PTPRG: variants seen among roughly 807,000 people sequenced by gnomAD.
PTPRG encodes protein tyrosine phosphatase receptor type G.
Under a neutral mutation model 165.3 loss-of-function variants are expected in PTPRG, and 102 were observed. The observed-to-expected ratio is 0.62, with a 90% CI of 0.53 to 0.73. PTPRG has a LOEUF of 0.73. PTPRG is among the 30% of genes least tolerant of loss of function. PTPRG has a pLI of 0.00. For synonymous variants in PTPRG, 675 were observed against 669.5 expected, an observed-to-expected ratio of 1.01 and a Z score of -0.13; for missense variants, 1,866 against 1,861.4, an observed-to-expected ratio of 1.00 and a Z score of -0.05.
At chr3:61,892,516 A>T (rs138382867) in intron 2 of PTPRG, among the ~76,000 whole-genome samples, 2 of 152,148 alleles carry the variant, frequency 1.3e-5, no homozygotes, top group African/African-American at 4.8e-5. Flanking sequence ...TGTGATTTCA[A>T]TGCTGAAATA....
intron 4 of PTPRG, among the ~76,000 whole-genome samples, chr3:62,030,808 C>CA (rs1197269403): frequency 6.6e-6 from 1 of 152,156 alleles, no homozygotes; most frequent in Non-Finnish European, 1.5e-5. Flanking sequence ...AAGGAATTGT[C>CA]ATTGAATTCA....
At chr3:61,596,301 C>T (rs1700696928) in intron 1 of PTPRG, among the ~76,000 whole-genome samples, 1 of 152,120 alleles carries the variant, frequency 6.6e-6, no homozygotes, top group Non-Finnish European at 1.5e-5. Context: ...TGGAATTGTA[C>T]CATAGTTTCA....
At chr3:61,958,570 G>GC (rs2040084289) in intron 2 of PTPRG, among the ~76,000 whole-genome samples, 2 of 152,060 alleles carry the variant, frequency 1.3e-5, no homozygotes, top group Non-Finnish European at 2.9e-5. Flanking sequence ...TAAATTAATT[G>GC]CCCTCTTTTA....
At chr3:61,704,825 A>G (rs1258467149) in intron 1 of PTPRG, among the ~76,000 whole-genome samples, 1 of 152,116 alleles carries the variant, frequency 6.6e-6, no homozygotes, top group East Asian at 1.9e-4. Context: ...GATGAACTGC[A>G]TTTGTTCAGA....
chr3:61,956,285 C>G lies in PTPRG; in HGVS notation c.191-33340C>G, dbSNP rs1385209890. Among the ~76,000 whole-genome samples, 4 of 105,366 alleles carry G rather than the reference C, an allele frequency of 3.8e-5. No homozygotes were observed. In the East Asian group the frequency reaches 1.2e-3, roughly 31 times the overall value. The allele number at this position is 105,366 out of a possible 152,430, so 69.1% of individuals were successfully genotyped here. On this transcript the variant is annotated intron_variant, in intron 2 of 29. Transcript: ENST00000474889. Reference sequence around the variant, plus strand: ...ACTCGCGTGCACGCTGTCTCTCTCTCTCTCTCTCTCACACACACACACACG... The same window carrying G: ...ACTCGCGTGCACGCTGTCTCTCTCTGTCTCTCTCTCACACACACACACACG...
chr3:61,763,897 T>C (rs1412566975), intron 2 of PTPRG, among the ~76,000 whole-genome samples: 4 of 152,166 alleles, frequency 2.6e-5, no homozygotes, highest in Non-Finnish European at 5.9e-5. Context: ...TTTAAATTAA[T>C]TAAAATGAAA....
intron 2 of PTPRG, among the ~76,000 whole-genome samples, chr3:61,972,373 T>C (rs1306896501): frequency 6.6e-6 from 1 of 152,098 alleles, no homozygotes; most frequent in Non-Finnish European, 1.5e-5. Flanking sequence ...GGTCTTTGTC[T>C]TTTACTCTGA....
At chr3:61,936,652 T>C (rs984544708) in intron 2 of PTPRG, among the ~76,000 whole-genome samples, 5 of 152,176 alleles carry the variant, frequency 3.3e-5, no homozygotes, top group African/African-American at 1.2e-4. Flanking sequence ...TCCAATTTTT[T>C]CCTTAACATG....
Position 62,271,611 on chromosome 3 carries a change from T to C in PTPRG, c.3182+56T>C, listed in dbSNP as rs1270388548. 2 of 1,511,878 alleles carry C rather than the reference T, an allele frequency of 1.3e-6. No homozygotes were observed. Among genetic ancestry groups the C allele is most frequent in the African/African-American group, 1.4e-5 (1 of 72,376 alleles). 93.7% of individuals were successfully genotyped at this position (1,511,878 alleles called of 1,614,324 possible). A position where few individuals can be genotyped will look rare whatever the true frequency, so the allele number is the denominator to read the frequency against. On this transcript the variant is annotated intron_variant, in intron 21 of 29. Transcript: ENST00000474889. This position sits in a 1 kb window ranked among gnomAD's most constrained non-coding sequence, Gnocchi z 4.1. ...ATGGGGCAGGGGACTTAGGCCTCAG[T>C]GACCTTGGACCACAATGATTGCTAC...
At chr3:62,104,758 A>G (rs1178373518) in intron 5 of PTPRG, among the ~76,000 whole-genome samples, 1 of 152,168 alleles carries the variant, frequency 6.6e-6, no homozygotes, top group Non-Finnish European at 1.5e-5. Flanking sequence ...GTGCATTACT[A>G]CTAGCGGGAA....
intron 14 of PTPRG, among the ~76,000 whole-genome samples, chr3:62,239,034 G>A (rs1344500045): frequency 6.6e-6 from 1 of 152,180 alleles, no homozygotes; most frequent in Non-Finnish European, 1.5e-5. Context: ...AAGGGCAGAG[G>A]TGGAAACATG....
At chr3:61,964,442 C>G (rs192484426) in intron 2 of PTPRG, among the ~76,000 whole-genome samples, 1 of 152,256 alleles carries the variant, frequency 6.6e-6, no homozygotes, top group African/African-American at 2.4e-5. Context: ...TTGTCACATG[C>G]ATTTATTTAT....
chr3:62,215,843 T>C (rs1700488898), intron 12 of PTPRG, among the ~76,000 whole-genome samples: 1 of 152,104 alleles, frequency 6.6e-6, no homozygotes, highest in African/African-American at 2.4e-5. Context: ...GTGCCACTGA[T>C]CCACACAACC....
intron 4 of PTPRG, among the ~76,000 whole-genome samples, chr3:62,046,502 C>G (rs1459488403): frequency 6.6e-6 from 1 of 152,132 alleles, no homozygotes; most frequent in Non-Finnish European, 1.5e-5. Flanking sequence ...AATTTTTTCC[C>G]AAGTCTGATA....
In PTPRG at chr3:62,017,625, C is replaced by A. The variant is rs1160975103; in HGVS notation, c.519+14128C>A. Among the ~76,000 whole-genome samples the A allele has an allele frequency of 4.0e-5, 6 of 148,454 alleles. No homozygotes were observed. The Admixed American group carries it at 4.1e-4, about 10-fold the overall frequency. ...TTTTTTAGTAGAGACGGGGTTTCACCGTGTTAGCCAGGATGGTCTCGATCT... is the reference window on the plus strand; with the variant it reads ...TTTTTTAGTAGAGACGGGGTTTCACAGTGTTAGCCAGGATGGTCTCGATCT... On this transcript the variant is annotated intron_variant, in intron 4 of 29. Transcript: ENST00000474889.
chr3:62,209,319 C>T (rs1047367616), intron 12 of PTPRG, among the ~76,000 whole-genome samples: 3 of 152,134 alleles, frequency 2.0e-5, no homozygotes, highest in African/African-American at 4.8e-5. Context: ...CAACAGGAAC[C>T]ATCTGGTCAA....
Position 62,295,258 on chromosome 3 carries a change from G to C in PTPRG, c.*1951G>C, listed in dbSNP as rs1703022321. 1 of 152,078 alleles carries C rather than the reference G, an allele frequency of 6.6e-6. No homozygotes were observed. The highest frequency in any genetic ancestry group is 6.6e-5 in the Admixed American group (1 of 15,260). The allele number at this position is 152,078 out of a possible 1,614,324, so 9.4% of individuals were successfully genotyped here. On this transcript the variant is annotated 3_prime_UTR_variant, in exon 30 of 30. Transcript: ENST00000474889. ...AAGTTCAAGTAAAGCTTGAACACAGGAACACTACAACTGCCAGATGCTGAG... is the reference window on the plus strand; with the variant it reads ...AAGTTCAAGTAAAGCTTGAACACAGCAACACTACAACTGCCAGATGCTGAG...
At chr3:61,662,140 A>G (rs982025697) in intron 1 of PTPRG, among the ~76,000 whole-genome samples, 1 of 152,224 alleles carries the variant, frequency 6.6e-6, no homozygotes, top group African/African-American at 2.4e-5. Context: ...TAGTCATTTG[A>G]ACATATGTCC....
At chr3:61,749,097 C>T (rs756136964) in intron 2 of PTPRG, 115 bp downstream of exon 2, 13 of 875,580 alleles carry the variant, frequency 1.5e-5, no homozygotes, top group African/African-American at 1.2e-4. Flanking sequence ...TCAAATCTTT[C>T]GTAGTTCACT....
Sources: gnomAD v4.1 joint callset for allele counts (sites outside exome capture counted in the v4.1 genomes callset) on GRCh38, gnomAD v4.1.1 for gene constraint, Gnocchi (gnomAD v3.1) non-coding constraint, MANE v1.5 for transcripts, NCBI Gene and HGNC (gene_info 2026-07-23, HGNC 2026-07-21) for gene names.